The following MACROH2A1 variants were observed in gnomAD, a reference collection of about 807,000 sequenced individuals.
MACROH2A1 encodes the protein core histone macro-H2A.1.
Under a neutral mutation model 31.6 loss-of-function variants are expected in MACROH2A1, and 2 were observed. The ratio of observed to expected loss-of-function variants is 0.06; its 90% CI spans 0.03 to 0.20. The LOEUF is 0.20. Ranked by LOEUF, MACROH2A1 falls within the 10% of genes least tolerant of loss-of-function variation. The pLI, the probability that MACROH2A1 is intolerant of heterozygous loss-of-function variation, is 1.00. For missense variants in MACROH2A1, 230 were observed against 474.0 expected (o/e 0.49, Z 4.78); for synonymous variants, 169 against 189.6 (o/e 0.89, Z 0.89).
At chr5:135,361,169 T>A (rs1299142470) in intron 4 of MACROH2A1, 2 of 178,630 alleles carry the variant, frequency 1.1e-5, no homozygotes, top group African/African-American at 4.8e-5. Context: ...CCATGGTTCT[T>A]GGCTTGGTCT....
intron 2 of MACROH2A1, among the ~76,000 whole-genome samples, chr5:135,388,198 A>G (rs771626092): frequency 6.6e-6 from 1 of 152,112 alleles, no homozygotes; most frequent in African/African-American, 2.4e-5. Flanking sequence ...CCACCACTGT[A>G]ATATCAAATT....
intron 4 of MACROH2A1, among the ~76,000 whole-genome samples, chr5:135,364,762 A>G (rs958295487): frequency 4.6e-5 from 7 of 152,246 alleles, no homozygotes; most frequent in African/African-American, 1.7e-4. Context: ...TAAAATTTCA[A>G]TAGAAGGCCA....
Position 135,343,406 on chromosome 5 carries a change from A to C in MACROH2A1, c.807T>G (p.Pro269=), listed in dbSNP as rs1163916471. Residue 269 remains proline, a synonymous_variant, in exon 8 of 9, where the codon CCT becomes CCG. Coordinates refer to ENST00000511689, the MANE Select transcript of MACROH2A1 (RefSeq NM_138610.3). ...GAAVSAGHGL[P]AKFVIHCNSP... is the part of the protein sequence containing the mutation. ...TATTACAGTGGATCACAAACTTGGC[A>C]GGCAGGCCATGGCCTGCGCTGACAG... is the stretch of plus-strand genomic sequence containing the variant. 6.2e-7 allele frequency: 1 copy of C among 1,614,240 alleles called. No homozygotes were observed. The highest frequency in any genetic ancestry group is 1.1e-5 in the South Asian group (1 of 91,088).
At chr5:135,379,909 T>C (rs775360514) in intron 2 of MACROH2A1, among the ~76,000 whole-genome samples, 7 of 152,168 alleles carry the variant, frequency 4.6e-5, no homozygotes, top group African/African-American at 1.4e-4. Flanking sequence ...TGTGGCTTTT[T>C]TTTGGCAGAC....
intron 2 of MACROH2A1, among the ~76,000 whole-genome samples, chr5:135,385,749 TC>T (rs1334846929): frequency 6.6e-6 from 1 of 152,182 alleles, no homozygotes; most frequent in Non-Finnish European, 1.5e-5. Context: ...AGAGAAGCCT[TC>T]CCTGGCCAGC....
chr5:135,365,513 G>C (rs1763394317), intron 4 of MACROH2A1, among the ~76,000 whole-genome samples: 1 of 152,114 alleles, frequency 6.6e-6, no homozygotes, highest in African/African-American at 2.4e-5. Context: ...CTTCTGTAAT[G>C]AATCTGCACC....
intron 2 of MACROH2A1, among the ~76,000 whole-genome samples, chr5:135,373,252 C>T (rs575634055): frequency 1.5e-4 from 23 of 152,148 alleles, no homozygotes; most frequent in African/African-American, 5.5e-4. Context: ...GCAGTGCTGC[C>T]TTCACTTTTT....
rs535281336 is a variant in MACROH2A1, at chr5:135,373,956, C to T, written c.173-3814G>A. Among the ~76,000 whole-genome samples the T allele has an allele frequency of 6.6e-5, 10 of 152,218 alleles. No individual in the cohort carries two copies. The South Asian group carries it at 1.9e-3, about 28-fold the overall frequency. On this transcript the variant is annotated intron_variant, in intron 2 of 8. Transcript: ENST00000511689. ...TGGATAGTTACCATAGTAACCCCAT[C>T]GTTAAGGGACACACAAGACAGAGCA...
At chr5:135,343,870 T>C in intron 7 of MACROH2A1, 1 of 229,876 alleles carries the variant, frequency 4.4e-6, no homozygotes, top group South Asian at 7.1e-5. Context: ...TATGATGTAT[T>C]TGTCTCTACT....
chr5:135,364,888 G>C (rs1004963622), intron 4 of MACROH2A1, among the ~76,000 whole-genome samples: 3 of 152,182 alleles, frequency 2.0e-5, no homozygotes, highest in Non-Finnish European at 2.9e-5. Context: ...ACAAGAGAAA[G>C]AGGCACTCTA....
chr5:135,383,135 T>G (rs1412535105), intron 2 of MACROH2A1, among the ~76,000 whole-genome samples: 1 of 152,212 alleles, frequency 6.6e-6, no homozygotes, highest in East Asian at 1.9e-4. Context: ...CAAAGGCACA[T>G]AGTGTTGAAC....
chr5:135,372,607 C>A (rs868193140), intron 2 of MACROH2A1, among the ~76,000 whole-genome samples: 15 of 152,202 alleles, frequency 9.9e-5, no homozygotes, highest in African/African-American at 3.4e-4. Flanking sequence ...GCAGAAGCGC[C>A]TGCCTGGCCA....
intron 8 of MACROH2A1, among the ~76,000 whole-genome samples, chr5:135,340,131 T>C (rs973288785): frequency 2.6e-5 from 4 of 152,080 alleles, no homozygotes; most frequent in Admixed American, 1.3e-4. Flanking sequence ...CCAATGGAGA[T>C]GGGAGGCAGG....
intron 2 of MACROH2A1, among the ~76,000 whole-genome samples, chr5:135,370,983 G>T (rs914814831): frequency 2.0e-5 from 3 of 152,170 alleles, no homozygotes; most frequent in Non-Finnish European, 4.4e-5. Flanking sequence ...CCTACAACTT[G>T]CCCTCCATTC....
At chr5:135,344,075 CT>C (rs886770569) in intron 7 of MACROH2A1, 4 of 153,406 alleles carry the variant, frequency 2.6e-5, no homozygotes, top group Non-Finnish European at 5.8e-5. Context: ...TTTTAAGGAA[CT>C]GTGTTTTTCT....
intron 1 of MACROH2A1, among the ~76,000 whole-genome samples, chr5:135,396,699 C>T (rs1315540540): frequency 6.6e-6 from 1 of 152,088 alleles, no homozygotes; most frequent in Non-Finnish European, 1.5e-5. Context: ...GATTTTACAA[C>T]AGCTACTTGC....
rs529862424 is a variant in MACROH2A1 at position 135,356,183 on chromosome 5, A to C, written c.589-3138T>G. 5.3e-5 allele frequency: 8 copies of C among 152,358 alleles called. No homozygotes were observed. In the East Asian group the frequency reaches 1.5e-3, roughly 29 times the overall value. The allele number at this position is 152,358 out of a possible 1,614,324, so 9.4% of individuals were successfully genotyped here. On this transcript the variant is annotated intron_variant, in intron 5 of 8. Coordinates refer to ENST00000511689, the MANE Select transcript of MACROH2A1 (RefSeq NM_138610.3). Reference sequence around the variant, plus strand: ...AGGAAAGTAATCATAGGGCACTGCCAGTTATAGAGCAGAAGGGGGTCCCCG... The same window carrying C: ...AGGAAAGTAATCATAGGGCACTGCCCGTTATAGAGCAGAAGGGGGTCCCCG...
At chr5:135,351,730 G>A (rs1367554455) in intron 6 of MACROH2A1, among the ~76,000 whole-genome samples, 1 of 150,614 alleles carries the variant, frequency 6.6e-6, no homozygotes, top group African/African-American at 2.4e-5. Context: ...GCCCAGCTAA[G>A]TTTTTTATTT....
chr5:135,351,163 T>C, intron 6 of MACROH2A1: 1 of 366,634 alleles, frequency 2.7e-6, no homozygotes, highest in Non-Finnish European at 5.0e-6. Context: ...AACACACACA[T>C]GAGATCATTT....
Sources: gnomAD v4.1 joint callset for allele counts (sites outside exome capture counted in the v4.1 genomes callset) on GRCh38, gnomAD v4.1.1 for gene constraint, MANE v1.5 for transcripts, NCBI Gene and HGNC (gene_info 2026-07-23, HGNC 2026-07-21) for gene names.